RNF17: variants seen among roughly 807,000 people sequenced by gnomAD.
RNF17 encodes ring finger protein 17, also known as spermatogenesis associated 23.
In RNF17, 31 loss-of-function variants were observed where a neutral mutation model predicts 200.5. The observed-to-expected ratio is 0.15, with a 90% CI of 0.12 to 0.21. The LOEUF (loss-of-function observed/expected upper bound fraction) is 0.21. RNF17 is among the 10% of genes least tolerant of loss of function. The pLI is 1.00. For missense variants in RNF17, 1,628 were observed against 1,905.1 expected, an observed-to-expected ratio of 0.85 and a Z score of 2.71; for synonymous variants, 606 against 637.8, an observed-to-expected ratio of 0.95 and a Z score of 0.75.
chr13:24,788,376 G>GT (rs1356810980), intron 7 of RNF17, among the ~76,000 whole-genome samples: 4 of 151,526 alleles, frequency 2.6e-5, no homozygotes, highest in Non-Finnish European at 4.4e-5. Context: ...ATGACCTTTT[G>GT]TTTTTTTTGA....
chr13:24,780,717 A>C (rs9318800), intron 5 of RNF17, among the ~76,000 whole-genome samples: 29,775 of 152,002 alleles, frequency 0.2, 3,169 homozygotes, highest in South Asian at 0.32. Context: ...CCCCATCTCT[A>C]TTAAAAATTC....
chr13:24,810,228 G>A (rs1886423906), intron 15 of RNF17, among the ~76,000 whole-genome samples: 1 of 148,844 alleles, frequency 6.7e-6, no homozygotes. Context: ...TCTGTCTAAT[G>A]TTGACAGTGG....
At chr13:24,840,495 G>A (rs1171592637) in intron 18 of RNF17, among the ~76,000 whole-genome samples, 6 of 150,848 alleles carry the variant, frequency 4.0e-5, no homozygotes, top group African/African-American at 1.2e-4. Flanking sequence ...CAATCAATGA[G>A]TGGATAAAGA....
chr13:24,883,763 G>C (rs901269029), downstream of RNF17, among the ~76,000 whole-genome samples: 2 of 152,140 alleles, frequency 1.3e-5, no homozygotes, highest in African/African-American at 2.4e-5. Context: ...AATCTGTTTT[G>C]AAAGAATGGA....
upstream of RNF17, among the ~76,000 whole-genome samples, chr13:24,763,377 T>G (rs1879019092): frequency 6.8e-6 from 1 of 147,584 alleles, no homozygotes; most frequent in African/African-American, 2.5e-5. Flanking sequence ...TAATTTTTTT[T>G]TTTTTTTTTT....
chr13:24,886,337 A>G, the RNF17 span: 14 of 1,289,170 alleles, frequency 1.1e-5, no homozygotes, highest in Non-Finnish European at 1.3e-5. Flanking sequence ...GAGCGGAGGC[A>G]GGTGGTCAGC....
At chr13:24,883,407 A>AAAT (rs1173624361), downstream of RNF17, 6 of 1,453,026 alleles carry the variant, frequency 4.1e-6, no homozygotes, top group East Asian at 7.4e-5. Context: ...CTTAAAAAAA[A>AAAT]AATAATAGAA....
rs770792770 is a variant in RNF17, at chr13:24,844,969, G to C, written c.2991G>C (p.Leu997=). The C allele has an allele frequency of 3.1e-6, 5 of 1,599,242 alleles. No individual in the cohort carries two copies. The African/African-American group carries it at 5.4e-5, about 17-fold the overall frequency. ...AGTTATTATTTTCTTAGGTCTTGCT[G>C]TATGATGTGGGTGTTGAACTAGTAG... ...MVTDTLVEVL[L]YDVGVELVVN... Residue 997 remains leucine (L), a synonymous_variant, in exon 22 of 36, where the codon CTG becomes CTC. Transcript: ENST00000255324.
rs12584640 is a variant in RNF17 at position 24,775,042 on chromosome 13, C to T, written c.317+138C>T. On this transcript the variant is annotated intron_variant, in intron 3 of 35. Transcript: ENST00000255324. Reference sequence around the variant, plus strand: ...TGGAATGCTCTTTAAGTTCATACTTCATCTTAGCTGTCAGTGGAATGGAGA... The same window carrying T: ...TGGAATGCTCTTTAAGTTCATACTTTATCTTAGCTGTCAGTGGAATGGAGA... 38 of 570,732 alleles carry T rather than the reference C, an allele frequency of 6.7e-5. No individual in the cohort carries two copies. In the East Asian group the frequency reaches 1.1e-3, roughly 17 times the overall value. The allele number at this position is 570,732 out of a possible 1,614,324, so 35.4% of individuals were successfully genotyped here. A position where few individuals can be genotyped will look rare whatever the true frequency, so the allele number is the denominator to read the frequency against.
intron 18 of RNF17, 82 bp from the exon 19 acceptor site, chr13:24,841,959 C>T (rs534887759): frequency 5.4e-5 from 67 of 1,242,096 alleles, no homozygotes; most frequent in Non-Finnish European, 7.0e-5. Context: ...GAGTGAGACT[C>T]TGTCTCCAAA....
At chr13:24,805,331 C>T (rs1479750467) in intron 15 of RNF17, among the ~76,000 whole-genome samples, 1 of 152,062 alleles carries the variant, frequency 6.6e-6, no homozygotes, top group Non-Finnish European at 1.5e-5. Flanking sequence ...AACAAAAGCC[C>T]TGTACCTATT....
intron 15 of RNF17, among the ~76,000 whole-genome samples, chr13:24,812,367 G>A (rs1303743808): frequency 3.3e-5 from 5 of 151,934 alleles, no homozygotes; most frequent in South Asian, 4.2e-4. Context: ...TAAGCCGGTC[G>A]GAAAAGTGCA....
At chr13:24,837,081 A>T (rs1389268504) in intron 18 of RNF17, among the ~76,000 whole-genome samples, 1 of 152,178 alleles carries the variant, frequency 6.6e-6, no homozygotes, top group Non-Finnish European at 1.5e-5. Flanking sequence ...AGTTATTCTT[A>T]TATCAGACAA....
chr13:24,838,561 CAG>C (rs200934103), intron 18 of RNF17, among the ~76,000 whole-genome samples: 3,069 of 152,140 alleles, frequency 0.02, 106 homozygotes, highest in African/African-American at 0.07. Context: ...ACCACATAAA[CAG>C]AATAAAAAAT....
chr13:24,799,325 G>A (rs939375966), intron 11 of RNF17, 70 bp from the exon 12 acceptor site: 17 of 1,173,118 alleles, frequency 1.4e-5, no homozygotes, highest in African/African-American at 4.6e-5. Context: ...TAGAACTAAC[G>A]TGTCTGTAAA....
chr13:24,800,301 G>A (rs1223951146), intron 12 of RNF17, 65 bp from the exon 13 acceptor site: 2 of 1,155,366 alleles, frequency 1.7e-6, no homozygotes, highest in African/African-American at 3.1e-5. Context: ...CATACCTTCT[G>A]TGGGGGAAAA....
chr13:24,812,307 A>G (rs1445437754), intron 15 of RNF17, among the ~76,000 whole-genome samples: 1 of 151,860 alleles, frequency 6.6e-6, no homozygotes, highest in Non-Finnish European at 1.5e-5. Context: ...CCGTGGGCGT[A>G]GGACACTCTG....
At chr13:24,781,045 A>G (rs1364819106) in intron 5 of RNF17, among the ~76,000 whole-genome samples, 3 of 152,216 alleles carry the variant, frequency 2.0e-5, no homozygotes, top group African/African-American at 4.8e-5. Context: ...TTGGTGAAAC[A>G]GGAATAAGAT....
intron 18 of RNF17, among the ~76,000 whole-genome samples, chr13:24,839,653 T>C (rs1007479812): frequency 1.1e-4 from 16 of 152,132 alleles, no homozygotes; most frequent in African/African-American, 2.2e-4. Context: ...TTTCAACAAA[T>C]GGTGCTGGGA....
Sources: gnomAD v4.1 joint callset for allele counts (sites outside exome capture counted in the v4.1 genomes callset) on GRCh38, gnomAD v4.1.1 for gene constraint, MANE v1.5 for transcripts, NCBI Gene and HGNC (gene_info 2026-07-23, HGNC 2026-07-21) for gene names.